Variants in HMGCLL1 observed in about 807,000 individuals in gnomAD.
The protein encoded by HMGCLL1 is 3-hydroxymethyl-3-methylglutaryl-CoA lyase, cytoplasmic.
Under a neutral mutation model 39.1 loss-of-function variants are expected in HMGCLL1, and 36 were observed. That is an observed-to-expected ratio of 0.92 (90% CI 0.71 to 1.22). The LOEUF is 1.22. Among genes scored for constraint, HMGCLL1 ranks in the 50% most tolerant of loss-of-function variants. HMGCLL1 has a pLI of 0.00. For missense variants in HMGCLL1, 451 were observed against 416.5 expected (o/e 1.08, Z -0.72); for synonymous variants, 149 against 144.0 (o/e 1.03, Z -0.25).
intron 7 of HMGCLL1, among the ~76,000 whole-genome samples, chr6:55,447,210 G>A (rs1170345967): frequency 6.6e-6 from 1 of 151,876 alleles, no homozygotes; most frequent in African/African-American, 2.4e-5. Flanking sequence ...TACTATATGA[G>A]CTACTGTACC....
intron 7 of HMGCLL1, among the ~76,000 whole-genome samples, chr6:55,450,159 G>A (rs1222357091): frequency 6.6e-6 from 1 of 152,098 alleles, no homozygotes; most frequent in Admixed American, 6.6e-5. Context: ...ACAAGCCAGG[G>A]TAGAAAACGT....
At chr6:55,670,255 T>A in the HMGCLL1 span, among the ~76,000 whole-genome samples, 1 of 151,586 alleles carries the variant, frequency 6.6e-6, no homozygotes, top group Non-Finnish European at 1.5e-5. Context: ...CCAAAAAAAA[T>A]ATCCTTCCAT....
chr6:55,455,835 C>A (rs1198715693), intron 7 of HMGCLL1, among the ~76,000 whole-genome samples: 1 of 152,198 alleles, frequency 6.6e-6, no homozygotes, highest in Non-Finnish European at 1.5e-5. Context: ...GTGAAGCCAT[C>A]AGCTTTGATG....
At chr6:55,525,877 C>G (rs1768292249) in intron 3 of HMGCLL1, among the ~76,000 whole-genome samples, 1 of 151,744 alleles carries the variant, frequency 6.6e-6, no homozygotes. Flanking sequence ...CCACATAGAC[C>G]CTACAAAACA....
the HMGCLL1 span, among the ~76,000 whole-genome samples, chr6:55,650,157 A>T: frequency 7.6e-6 from 1 of 131,170 alleles, no homozygotes; most frequent in Non-Finnish European, 1.6e-5. Context: ...ACATATGTAT[A>T]TATTTCTCCA....
At chr6:55,590,023 G>A in the HMGCLL1 span, among the ~76,000 whole-genome samples, 35 of 152,172 alleles carry the variant, frequency 2.3e-4, no homozygotes, top group African/African-American at 8.2e-4. Context: ...AGCTACCAAT[G>A]ACTTTCTTCA....
intron 7 of HMGCLL1, among the ~76,000 whole-genome samples, chr6:55,445,976 G>A (rs1198843166): frequency 6.6e-6 from 1 of 151,918 alleles, no homozygotes; most frequent in Non-Finnish European, 1.5e-5. Context: ...CTTACTAAAG[G>A]TGTAGAACAC....
intron 7 of HMGCLL1, among the ~76,000 whole-genome samples, chr6:55,483,669 T>A (rs1374741469): frequency 2.0e-5 from 3 of 152,132 alleles, no homozygotes; most frequent in Non-Finnish European, 4.4e-5. Flanking sequence ...ATAAATAGAC[T>A]AAAGAGATGG....
chr6:55,598,485 T>C, the HMGCLL1 span, among the ~76,000 whole-genome samples: 1 of 152,130 alleles, frequency 6.6e-6, no homozygotes, highest in Non-Finnish European at 1.5e-5. Flanking sequence ...AACCAGTCAA[T>C]AGCAGCCTTC....
chr6:55,540,373 G>A (rs1310791542), intron 3 of HMGCLL1, among the ~76,000 whole-genome samples: 1 of 152,120 alleles, frequency 6.6e-6, no homozygotes, highest in African/African-American at 2.4e-5. Flanking sequence ...TAAAAAGAAG[G>A]ATCTTTGGGA....
At chr6:55,599,504 C>T in the HMGCLL1 span, among the ~76,000 whole-genome samples, 4 of 152,114 alleles carry the variant, frequency 2.6e-5, no homozygotes, top group African/African-American at 9.7e-5. Flanking sequence ...AACAGTCTTT[C>T]AGCCCAAATG....
At chr6:55,644,124 T>C in the HMGCLL1 span, among the ~76,000 whole-genome samples, 1 of 152,080 alleles carries the variant, frequency 6.6e-6, no homozygotes, top group Non-Finnish European at 1.5e-5. Context: ...GATTACTCAT[T>C]GTAGTTTTGA....
chr6:55,653,592 T>TA, the HMGCLL1 span, among the ~76,000 whole-genome samples: 15 of 151,998 alleles, frequency 9.9e-5, no homozygotes, highest in East Asian at 2.0e-3. Context: ...TTTGAGGAAA[T>TA]AAAAAACTTT....
chr6:55,669,572 A>T, the HMGCLL1 span, among the ~76,000 whole-genome samples: 12 of 151,938 alleles, frequency 7.9e-5, no homozygotes, highest in Non-Finnish European at 1.5e-4. Context: ...AGGCTTTAAA[A>T]TACCTATTAT....
chr6:55,666,360 C>T, the HMGCLL1 span, among the ~76,000 whole-genome samples: 1 of 151,632 alleles, frequency 6.6e-6, no homozygotes, highest in Non-Finnish European at 1.5e-5. Context: ...ACATTCTTAT[C>T]CACTCAAAGT....
chr6:55,453,644 C>T (rs986031280), intron 7 of HMGCLL1, among the ~76,000 whole-genome samples: 3 of 152,052 alleles, frequency 2.0e-5, no homozygotes, highest in African/African-American at 2.4e-5. Flanking sequence ...TCTAATTTTG[C>T]TAGCAAGGGA....
In HMGCLL1 at chr6:55,435,357, A is replaced by G. The variant is rs1763328061; in HGVS notation, c.*305T>C. On this transcript the variant is annotated 3_prime_UTR_variant, in exon 9 of 9. Transcript: ENST00000274901. The stretch of plus-strand genomic sequence containing the variant: ...AACACAGTATTTGATACTTGGGGAA[A>G]TACGAAGTCAATTTTCCCATCTACT... The G allele has an allele frequency of 4.5e-6, 1 of 222,318 alleles. No homozygotes were observed. 13.8% of individuals were successfully genotyped at this position (222,318 alleles called of 1,614,324 possible). A position where few individuals can be genotyped will look rare whatever the true frequency, so the allele number is the denominator to read the frequency against.
At chr6:55,633,088 A>T in the HMGCLL1 span, among the ~76,000 whole-genome samples, 3 of 152,102 alleles carry the variant, frequency 2.0e-5, no homozygotes, top group Non-Finnish European at 4.4e-5. Flanking sequence ...GTAAATGTGA[A>T]TATAAGCAGA....
chr6:55,655,826 A>G, the HMGCLL1 span, among the ~76,000 whole-genome samples: 4 of 152,032 alleles, frequency 2.6e-5, no homozygotes, highest in Non-Finnish European at 1.5e-5. Context: ...AGAACATTTG[A>G]AATTTTTAAC....
Sources: gnomAD v4.1 joint callset for allele counts (sites outside exome capture counted in the v4.1 genomes callset) on GRCh38, gnomAD v4.1.1 for gene constraint, MANE v1.5 for transcripts, NCBI Gene and HGNC (gene_info 2026-07-23, HGNC 2026-07-21) for gene names.